The following NELL1 variants were observed in gnomAD, a reference collection of about 807,000 sequenced individuals.
The protein encoded by NELL1 is protein kinase C-binding protein NELL1.
In NELL1, 76 loss-of-function variants were observed where a neutral mutation model predicts 107.4. The observed-to-expected ratio is 0.71, with a 90% CI of 0.59 to 0.86. The LOEUF (loss-of-function observed/expected upper bound fraction) is 0.86, where lower values mean the gene tolerates loss of function less well. Ranked by LOEUF, NELL1 falls within the 40% of genes least tolerant of loss-of-function variation. NELL1 has a pLI of 0.00. For synonymous variants in NELL1, 353 were observed against 341.2 expected (o/e 1.03, Z -0.38); for missense variants, 1,024 against 1,005.5 (o/e 1.02, Z -0.25).
intron 2 of NELL1, among the ~76,000 whole-genome samples, chr11:20,697,078 C>A (rs1412911765): frequency 6.6e-6 from 1 of 152,146 alleles, no homozygotes; most frequent in Non-Finnish European, 1.5e-5. Context: ...GCCAAACTTA[C>A]AAGGAGGCAA....
At chr11:21,015,712 C>G (rs1399916764) in intron 12 of NELL1, among the ~76,000 whole-genome samples, 2 of 151,946 alleles carry the variant, frequency 1.3e-5, no homozygotes, top group African/African-American at 4.8e-5. Flanking sequence ...CACTAAGAAT[C>G]AATTCCAGAG....
At chr11:20,725,255 A>G (rs1353826721) in intron 2 of NELL1, among the ~76,000 whole-genome samples, 1 of 152,208 alleles carries the variant, frequency 6.6e-6, no homozygotes, top group African/African-American at 2.4e-5. Context: ...CTATTGTTCC[A>G]AATTTCCTAC....
At chr11:21,089,007 T>C (rs922534790) in intron 12 of NELL1, among the ~76,000 whole-genome samples, 3 of 152,144 alleles carry the variant, frequency 2.0e-5, no homozygotes, top group Non-Finnish European at 4.4e-5. Flanking sequence ...ACAGCCAGTA[T>C]AAGAGTATTA....
At chr11:20,893,526 T>A (rs1849662026) in intron 5 of NELL1, among the ~76,000 whole-genome samples, 2 of 151,948 alleles carry the variant, frequency 1.3e-5, no homozygotes, top group African/African-American at 4.8e-5. Flanking sequence ...ACTGATTAAC[T>A]TTAGACTTTA....
chr11:20,881,658 G>C lies in NELL1; in HGVS notation c.507-3786G>C, dbSNP rs565213138. ...CACTTTATTCTTCATTCAAAACTCA[G>C]TGTAGTGTCTCCTTTGGAAAGTTTT... is the stretch of plus-strand genomic sequence containing the variant. On this transcript the variant is annotated intron_variant, in intron 4 of 19. Transcript: ENST00000357134. Among the ~76,000 whole-genome samples, 195 of 152,172 alleles carry C rather than the reference G, an allele frequency of 1.3e-3. 1 individual carries two copies. The highest frequency in any genetic ancestry group is 4.6e-3 in the African/African-American group (189 of 41,500).
At chr11:21,168,136 T>C (rs1290291301) in intron 13 of NELL1, among the ~76,000 whole-genome samples, 1 of 151,776 alleles carries the variant, frequency 6.6e-6, no homozygotes, top group East Asian at 1.9e-4. Flanking sequence ...TAAGTATTTG[T>C]AAAGTAATAA....
At chr11:20,766,463 T>C (rs904607147) in intron 2 of NELL1, among the ~76,000 whole-genome samples, 1 of 152,182 alleles carries the variant, frequency 6.6e-6, no homozygotes, top group African/African-American at 2.4e-5. Flanking sequence ...TAGCCACATA[T>C]TTTATGTATA....
intron 13 of NELL1, among the ~76,000 whole-genome samples, chr11:21,120,264 T>C (rs1381464979): frequency 6.6e-6 from 1 of 152,120 alleles, no homozygotes; most frequent in Non-Finnish European, 1.5e-5. Context: ...TTGTTAGAAA[T>C]GTCAGGCTAG....
chr11:21,507,564 A>G (rs77256188), intron 15 of NELL1, among the ~76,000 whole-genome samples: 28,141 of 152,094 alleles, frequency 0.19, 2,697 homozygotes, highest in East Asian at 0.28. Flanking sequence ...TAGAGCTTAC[A>G]TTGCTTTTTT....
intron 14 of NELL1, among the ~76,000 whole-genome samples, chr11:21,230,200 A>G (rs1858009382): frequency 6.6e-6 from 1 of 152,094 alleles, no homozygotes; most frequent in Admixed American, 6.6e-5. Flanking sequence ...TTTTTTCTTC[A>G]CAAACAACCT....
intron 2 of NELL1, among the ~76,000 whole-genome samples, chr11:20,708,889 C>T (rs774740578): frequency 4.4e-4 from 67 of 152,120 alleles, no homozygotes; most frequent in Non-Finnish European, 5.9e-4. Flanking sequence ...TGGGGGCAGG[C>T]GATGGTTTCA....
chr11:20,690,495 A>G (rs1232156706), intron 2 of NELL1, among the ~76,000 whole-genome samples: 1 of 149,918 alleles, frequency 6.7e-6, no homozygotes, highest in Non-Finnish European at 1.5e-5. Context: ...TCAGCTTTCT[A>G]CATATGGCTA....
intron 15 of NELL1, among the ~76,000 whole-genome samples, chr11:21,458,143 A>G (rs752533526): frequency 3.9e-4 from 60 of 152,200 alleles, no homozygotes; most frequent in Non-Finnish European, 6.3e-4. Context: ...TAGGTAAAAC[A>G]CTTAAATATA....
At chr11:20,945,120 C>G (rs1850936115) in intron 10 of NELL1, among the ~76,000 whole-genome samples, 1 of 152,050 alleles carries the variant, frequency 6.6e-6, no homozygotes, top group South Asian at 2.1e-4. Flanking sequence ...AGTTTGGGTT[C>G]TCCCAGAAGC....
intron 3 of NELL1, among the ~76,000 whole-genome samples, chr11:20,805,834 A>G (rs1355472148): frequency 1.3e-5 from 2 of 152,252 alleles, no homozygotes; most frequent in Non-Finnish European, 2.9e-5. Flanking sequence ...ACAACTTAAC[A>G]CCGAGTACAT....
intron 14 of NELL1, among the ~76,000 whole-genome samples, chr11:21,268,644 C>T (rs979100178): frequency 6.6e-6 from 1 of 152,072 alleles, no homozygotes; most frequent in African/African-American, 2.4e-5. Context: ...AAGAATGAGA[C>T]CTAATCATAT....
intron 12 of NELL1, among the ~76,000 whole-genome samples, chr11:21,038,220 CT>C (rs1436810449): frequency 6.6e-6 from 1 of 152,076 alleles, no homozygotes; most frequent in Non-Finnish European, 1.5e-5. Flanking sequence ...GTCATATTGC[CT>C]TATTGCAACT....
intron 4 of NELL1, among the ~76,000 whole-genome samples, chr11:20,848,372 G>T (rs925555766): frequency 6.6e-6 from 1 of 152,140 alleles, no homozygotes; most frequent in African/African-American, 2.4e-5. Flanking sequence ...TGGAAATGTT[G>T]TCTCCCTTGT....
intron 2 of NELL1, among the ~76,000 whole-genome samples, chr11:20,681,438 A>G (rs1854187803): frequency 6.6e-6 from 1 of 151,986 alleles, no homozygotes; most frequent in Non-Finnish European, 1.5e-5. Context: ...TATGTCCCTC[A>G]TTTCCTTTTA....
Sources: allele counts gnomAD v4.1 joint callset (sites outside exome capture counted in the v4.1 genomes callset), GRCh38; gene constraint gnomAD v4.1.1; transcripts MANE v1.5; gene names NCBI Gene and HGNC (gene_info 2026-07-23, HGNC 2026-07-21).